Variants in NRXN3 observed in about 807,000 individuals in gnomAD.
NRXN3 encodes the protein neurexin III.
Under a neutral mutation model 137.6 loss-of-function variants are expected in NRXN3, and 32 were observed. That is an observed-to-expected ratio of 0.23 (90% confidence interval 0.18 to 0.31). NRXN3 has a LOEUF of 0.31. NRXN3 is among the 10% of genes least tolerant of loss of function. The pLI, the probability that NRXN3 is intolerant of heterozygous loss-of-function variation, is 1.00. For missense variants in NRXN3, 1,574 were observed against 2,062.5 expected (o/e 0.76, Z 4.59); for synonymous variants, 798 against 784.5 (o/e 1.02, Z -0.29).
chr14:78,446,708 A>G (rs1194127168), intron 4 of NRXN3, among the ~76,000 whole-genome samples: 2 of 152,252 alleles, frequency 1.3e-5, no homozygotes, highest in Non-Finnish European at 2.9e-5. Flanking sequence ...ATTGCTGATC[A>G]TTAAATCATC....
In NRXN3 at chr14:78,201,082, C is replaced by G. The variant is rs140409733; in HGVS notation, c.-704+30408C>G. Among the ~76,000 whole-genome samples, 450 of 152,264 alleles carry G rather than the reference C, an allele frequency of 3.0e-3. 5 individuals are homozygous for G. The highest frequency in any genetic ancestry group is 0.01 in the African/African-American group (426 of 41,520). ...AAGGAAAGGCCATGGTTACATCATG[C>G]TGGAAGCAGAAGTGTTGACACTGCC... On this transcript the variant is annotated intron_variant, in intron 1 of 20. Coordinates refer to ENST00000335750, the MANE Select transcript of NRXN3 (RefSeq NM_001330195.2).
At chr14:79,651,080 A>C (rs1344584932) in intron 16 of NRXN3, among the ~76,000 whole-genome samples, 1 of 152,230 alleles carries the variant, frequency 6.6e-6, no homozygotes, top group Non-Finnish European at 1.5e-5. Flanking sequence ...TGGTAATAGG[A>C]TGGATCAGTG....
chr14:79,149,007 C>T (rs902360073), intron 15 of NRXN3, among the ~76,000 whole-genome samples: 1 of 152,030 alleles, frequency 6.6e-6, no homozygotes, highest in South Asian at 2.1e-4. Flanking sequence ...TTTTTCCATC[C>T]CCACATTCTC....
rs2073915582 is a variant in NRXN3, at chr14:78,278,369, T to C, written c.710-276T>C. Among the ~76,000 whole-genome samples, 3 of 152,318 alleles carry C rather than the reference T, an allele frequency of 2.0e-5. No homozygotes were observed. The South Asian group carries it at 6.2e-4, about 32-fold the overall frequency. On this transcript the variant is annotated intron_variant, in intron 2 of 20. Coordinates refer to ENST00000335750, the MANE Select transcript of NRXN3 (RefSeq NM_001330195.2). ...CTTGGCTCTTTGAAGCCCTATCTGA[T>C]TCCAGGATGATGTCTTTCCGGACAG...
chr14:78,740,587 G>A (rs1487772766), intron 8 of NRXN3, among the ~76,000 whole-genome samples: 11 of 142,102 alleles, frequency 7.7e-5, no homozygotes, highest in Non-Finnish European at 1.2e-4. Context: ...CTGCACCACT[G>A]CCCTCCACAT....
At chr14:79,373,410 G>A (rs558757433) in intron 15 of NRXN3, among the ~76,000 whole-genome samples, 4 of 152,324 alleles carry the variant, frequency 2.6e-5, no homozygotes, top group Middle Eastern at 3.4e-3. Flanking sequence ...ATTGTAAGAA[G>A]TGTGGCAAAA....
At chr14:78,211,008 A>G (rs1019383497) in intron 1 of NRXN3, among the ~76,000 whole-genome samples, 3 of 152,128 alleles carry the variant, frequency 2.0e-5, no homozygotes, top group African/African-American at 7.2e-5. Flanking sequence ...CATCTGTTAA[A>G]TGGGGTAATG....
intron 19 of NRXN3, among the ~76,000 whole-genome samples, chr14:79,746,141 T>A (rs2098979020): frequency 6.6e-6 from 1 of 152,138 alleles, no homozygotes; most frequent in Non-Finnish European, 1.5e-5. Context: ...TCCCAATCCA[T>A]GGAGTTTGAC....
intron 20 of NRXN3, 28 bp downstream of exon 20, chr14:79,805,218 G>A (rs1187446459): frequency 6.3e-7 from 1 of 1,594,360 alleles, no homozygotes; most frequent in Non-Finnish European, 8.6e-7. Flanking sequence ...TATTTTGCTT[G>A]CTTTCTTTTT....
At chr14:79,290,659 T>A (rs1335114936) in intron 15 of NRXN3, among the ~76,000 whole-genome samples, 1 of 128,620 alleles carries the variant, frequency 7.8e-6, no homozygotes, top group Non-Finnish European at 1.7e-5. Context: ...CTCTGGTGGT[T>A]CCAGAAAAAA....
intron 6 of NRXN3, among the ~76,000 whole-genome samples, chr14:78,673,553 G>A (rs2097960434): frequency 6.6e-6 from 1 of 152,208 alleles, no homozygotes; most frequent in African/African-American, 2.4e-5. Context: ...AGTTCAGGCT[G>A]CCCTAACAGA....
chr14:78,770,434 A>G (rs1036295521), intron 8 of NRXN3, among the ~76,000 whole-genome samples: 1 of 152,152 alleles, frequency 6.6e-6, no homozygotes, highest in African/African-American at 2.4e-5. Context: ...TTCAAAGATA[A>G]TGGTGTCCAC....
chr14:78,996,459 TGAG>T (rs1253296332), intron 15 of NRXN3, among the ~76,000 whole-genome samples: 1 of 152,220 alleles, frequency 6.6e-6, no homozygotes, highest in African/African-American at 2.4e-5. Flanking sequence ...AGTTTCCTGA[TGAG>T]AATTCATCTG....
intron 10 of NRXN3, among the ~76,000 whole-genome samples, chr14:78,954,568 C>T (rs1453157337): frequency 6.6e-6 from 1 of 151,930 alleles, no homozygotes; most frequent in African/African-American, 2.4e-5. Context: ...TGGTTCACTC[C>T]ATTCTCCTGC....
chr14:78,379,528 G>A (rs1036900717), intron 4 of NRXN3, among the ~76,000 whole-genome samples: 4 of 152,172 alleles, frequency 2.6e-5, no homozygotes, highest in African/African-American at 9.6e-5. Flanking sequence ...TATATCAATT[G>A]ATGCAGAAAA....
At chr14:79,652,270 A>G (rs2098480097) in intron 16 of NRXN3, among the ~76,000 whole-genome samples, 1 of 152,178 alleles carries the variant, frequency 6.6e-6, no homozygotes, top group South Asian at 2.1e-4. Context: ...GACATCATTT[A>G]CCTTCGTCAT....
At chr14:78,669,652 T>C (rs1164736752) in intron 6 of NRXN3, among the ~76,000 whole-genome samples, 1 of 152,030 alleles carries the variant, frequency 6.6e-6, no homozygotes, top group African/African-American at 2.4e-5. Context: ...CTTCATTGCT[T>C]TTTCCCTTTT....
At chr14:78,184,598 G>A (rs1485520390) in intron 1 of NRXN3, among the ~76,000 whole-genome samples, 2 of 152,174 alleles carry the variant, frequency 1.3e-5, no homozygotes, top group Non-Finnish European at 2.9e-5. Flanking sequence ...TTTAATATTG[G>A]CATCTGGCAT....
At chr14:78,854,951 A>C (rs1377462518) in intron 10 of NRXN3, among the ~76,000 whole-genome samples, 3 of 152,040 alleles carry the variant, frequency 2.0e-5, no homozygotes, top group Admixed American at 2.0e-4. Flanking sequence ...TATGATAGCT[A>C]CTGAGTAAGG....
Sources: allele counts gnomAD v4.1 joint callset (sites outside exome capture counted in the v4.1 genomes callset), GRCh38; gene constraint gnomAD v4.1.1; transcripts MANE v1.5; gene names NCBI Gene and HGNC (gene_info 2026-07-23, HGNC 2026-07-21).